Variants in NOP14 observed in about 807,000 individuals in gnomAD.
The protein encoded by NOP14 is nucleolar protein 14.
NOP14 carries 57 observed loss-of-function variants against 101.6 expected under a neutral mutation model. The observed-to-expected ratio is 0.56, with a 90% CI of 0.45 to 0.70. The LOEUF (loss-of-function observed/expected upper bound fraction) is 0.70, where lower values mean the gene tolerates loss of function less well. Among genes scored for constraint, NOP14 ranks in the 30% least tolerant of loss-of-function variants. NOP14 has a pLI of 0.00. For missense variants in NOP14, 1,134 were observed against 1,075.5 expected, an observed-to-expected ratio of 1.05 and a Z score of -0.76; for synonymous variants, 428 against 424.0, an observed-to-expected ratio of 1.01 and a Z score of -0.12.
chr4:2,953,501 T>C lies in NOP14; in HGVS notation c.747+10A>G, dbSNP rs774080161. The C allele has an allele frequency of 6.2e-7, 1 of 1,613,946 alleles. No individual in the cohort carries two copies. The highest frequency in any genetic ancestry group is 1.1e-5 in the South Asian group (1 of 91,048). ...TGAGTGAAGAGTTTGTTTCAGTACTTGGCTCCCACCTTGGGTTTTTCCTTT... is the reference window on the plus strand; with the variant it reads ...TGAGTGAAGAGTTTGTTTCAGTACTCGGCTCCCACCTTGGGTTTTTCCTTT... On this transcript the variant is annotated intron_variant, in intron 5 of 17. Transcript: ENST00000416614.
Position 2,963,204 on chromosome 4 carries a change from T to C in NOP14, c.116A>G (p.Gln39Arg). The change falls in exon 1 of 18, where the codon CAG (glutamine) becomes CGG (arginine). Residue 39 changes from glutamine to arginine, a missense_variant. Transcript: ENST00000416614. ...CTTCCGGCCCAGGATCTGGAACTTC[T>C]GCCTGTTAACTTTCACCTCGAACGG... ...SNPFEVKVNR[Q>R]KFQILGRKTR... 1 of 1,586,988 alleles carries C rather than the reference T, an allele frequency of 6.3e-7. No individual in the cohort carries two copies. Among genetic ancestry groups the C allele is most frequent in the Non-Finnish European group, 8.6e-7 (1 of 1,169,006 alleles).
chr4:2,963,174 C>T lies in NOP14; in HGVS notation c.146G>A (p.Arg49His). 1 of 1,580,086 alleles carries T rather than the reference C, an allele frequency of 6.3e-7. No homozygotes were observed. Among genetic ancestry groups the T allele is most frequent in the Non-Finnish European group, 8.6e-7 (1 of 1,165,812 alleles). Residue 49 changes from arginine to histidine, a missense_variant, in exon 1 of 18, where the codon CGC becomes CAC. Arg to His is a conservative substitution (Grantham distance 29, BLOSUM62 0). Transcript: ENST00000416614. The stretch of plus-strand genomic sequence containing the variant: ...CACCCCGGGCAGTCCCACGTCGTGG[C>T]GCGTCTTCCGGCCCAGGATCTGGAA... ...QKFQILGRKT[R>H]HDVGLPGVSR...
chr4:2,941,350 G>A, intron 15 of NOP14: 1 of 533,680 alleles, frequency 1.9e-6, no homozygotes, highest in South Asian at 2.1e-5. Context: ...AAGCACACAA[G>A]GCGACAGTTC....
In NOP14 at chr4:2,947,128, C is replaced by T; in HGVS notation, c.1499+398G>A. On this transcript the variant is annotated intron_variant, in intron 10 of 17. Coordinates refer to ENST00000416614, the MANE Select transcript of NOP14 (RefSeq NM_001291978.2). The stretch of plus-strand genomic sequence containing the variant: ...TCCCCATGCAGACAAGAGGTACACA[C>T]TCCCTGGCATGCAAAGCCACCCAAC... 5 of 268,818 alleles carry T rather than the reference C, an allele frequency of 1.9e-5. No individual in the cohort carries two copies. In the South Asian group the frequency reaches 2.3e-4, roughly 12 times the overall value. The allele number at this position is 268,818 out of a possible 1,614,324, so 16.7% of individuals were successfully genotyped here. A position where few individuals can be genotyped will look rare whatever the true frequency, so the allele number is the denominator to read the frequency against.
chr4:2,955,191 T>G (rs1343657657), intron 3 of NOP14, among the ~76,000 whole-genome samples: 2 of 61,950 alleles, frequency 3.2e-5, no homozygotes, highest in Non-Finnish European at 5.9e-5. Context: ...GCGCCCCCTC[T>G]AGTCACCTGG....
At chr4:2,948,445 T>TTA in intron 8 of NOP14, 37 bp from the exon 9 acceptor site, 1 of 1,521,100 alleles carries the variant, frequency 6.6e-7, no homozygotes, top group Non-Finnish European at 9.0e-7. Context: ...CATTTAACAT[T>TTA]TATATATATG....
chr4:2,944,801 G>T (rs191151812), intron 12 of NOP14, among the ~76,000 whole-genome samples: 112 of 152,338 alleles, frequency 7.4e-4, no homozygotes, highest in Non-Finnish European at 1.2e-3. Flanking sequence ...AAAGAAAAAG[G>T]AACAGCTTGA....
At chr4:2,952,437 T>C in intron 5 of NOP14, 40 bp from the exon 6 acceptor site, 1 of 1,500,068 alleles carries the variant, frequency 6.7e-7, no homozygotes, top group Non-Finnish European at 8.9e-7. Flanking sequence ...TAAAAATATA[T>C]TTATTTCTTA....
chr4:2,942,541 C>G (rs930578054), intron 13 of NOP14, among the ~76,000 whole-genome samples, 190 bp from the exon 14 acceptor site: 3 of 152,182 alleles, frequency 2.0e-5, no homozygotes, highest in Non-Finnish European at 4.4e-5. Flanking sequence ...AAAGCTTTGG[C>G]AGGGGGCGCG....
chr4:2,945,742 C>T (rs1714573102), intron 11 of NOP14, among the ~76,000 whole-genome samples: 1 of 152,218 alleles, frequency 6.6e-6, no homozygotes, highest in Admixed American at 6.5e-5. Context: ...AGCCCACAGG[C>T]TTGGGCCCTT....
At chr4:2,951,629 C>A (rs1233988430) in intron 6 of NOP14, among the ~76,000 whole-genome samples, 1 of 152,040 alleles carries the variant, frequency 6.6e-6, no homozygotes, top group Non-Finnish European at 1.5e-5. Flanking sequence ...TGACCACACA[C>A]TGGACACGGG....
chr4:2,961,193 T>C (rs1220830654), intron 1 of NOP14, among the ~76,000 whole-genome samples: 4 of 101,344 alleles, frequency 3.9e-5, no homozygotes, highest in Non-Finnish European at 5.9e-5. Flanking sequence ...ATTAATATGC[T>C]AATATTATAA....
At chr4:2,958,725 G>A (rs575351795) in intron 1 of NOP14, among the ~76,000 whole-genome samples, 4 of 152,310 alleles carry the variant, frequency 2.6e-5, no homozygotes, top group Admixed American at 6.5e-5. Context: ...AGGAGGGAGC[G>A]TGTGGTGACT....
At chr4:2,947,270 G>T in intron 10 of NOP14, 1 of 537,422 alleles carries the variant, frequency 1.9e-6, no homozygotes, top group South Asian at 2.4e-5. Flanking sequence ...AATCTAAAGG[G>T]GTTCACTTGT....
intron 2 of NOP14, 89 bp from the exon 3 acceptor site, chr4:2,956,900 T>C (rs1218281742): frequency 3.4e-6 from 4 of 1,162,140 alleles, no homozygotes; most frequent in African/African-American, 1.6e-5. Context: ...ATATTTCCAT[T>C]ATATTTGAAA....
intron 1 of NOP14, among the ~76,000 whole-genome samples, chr4:2,961,144 CTAATA>C (rs1380848492): frequency 2.0e-4 from 2 of 9,942 alleles, no homozygotes; most frequent in East Asian, 1.7e-3. Flanking sequence ...TATTAATATA[CTAATA>C]TAATAATATA....
Position 2,942,341 on chromosome 4 carries a change from C to T in NOP14, c.1902G>A (p.Leu634=), listed in dbSNP as rs773596681. The part of the protein sequence containing the change: ...TPNKASQGST[L]VHPFRALGKN... Reference sequence around the variant, plus strand: ...TCCCAAGCGCTCTGAAAGGGTGCACCAGAGTGGAACCTGAATTCCAAGTGC... The same window carrying T: ...TCCCAAGCGCTCTGAAAGGGTGCACTAGAGTGGAACCTGAATTCCAAGTGC... The change falls in exon 14 of 18, where the codon CTG becomes CTA. Residue 634 remains leucine, a synonymous_variant. Transcript: ENST00000416614. 5.6e-6 allele frequency: 9 copies of T among 1,613,608 alleles called. No homozygotes were observed. The highest frequency in any genetic ancestry group is 3.3e-5 in the South Asian group (3 of 91,036).
rs1462077935 is a variant in NOP14, at chr4:2,944,136, G to A, written c.1828C>T (p.Pro610Ser). The A allele has an allele frequency of 6.8e-6, 11 of 1,613,922 alleles. No individual in the cohort carries two copies. The highest frequency in any genetic ancestry group is 1.7e-5 in the Admixed American group (1 of 60,028). ...CCAAGAAGAAAATTAATAAGCTCAG[G>A]TATAAACCTCTGGGACAAAGCCACA... ...EYVALSQRFIPELINFLLGIL... is the reference protein window; with the variant it reads ...EYVALSQRFISELINFLLGIL... Residue 610 changes from proline (P) to serine (S), a missense_variant, in exon 13 of 18, where the codon CCT (proline) becomes TCT (serine). Pro to Ser is a moderately conservative substitution (Grantham distance 74). Coordinates refer to ENST00000416614, the MANE Select transcript of NOP14 (RefSeq NM_001291978.2).
intron 1 of NOP14, among the ~76,000 whole-genome samples, chr4:2,962,394 G>T (rs1280011370): frequency 1.3e-5 from 2 of 152,126 alleles, no homozygotes; most frequent in East Asian, 3.9e-4. Flanking sequence ...TATGTGTTTT[G>T]ATTCAAAGAC....
Sources: allele counts gnomAD v4.1 joint callset (sites outside exome capture counted in the v4.1 genomes callset), GRCh38; gene constraint gnomAD v4.1.1; transcripts MANE v1.5; gene names NCBI Gene and HGNC (gene_info 2026-07-23, HGNC 2026-07-21).